The following PCNX2 variants were observed in gnomAD, a reference collection of about 807,000 sequenced individuals.
PCNX2 encodes pecanex 2.
A neutral mutation model predicts 223.8 loss-of-function variants in PCNX2; 168 were observed. The ratio of observed to expected loss-of-function variants is 0.75; its 90% CI spans 0.66 to 0.85. PCNX2 has a LOEUF of 0.85. Among genes scored for constraint, PCNX2 ranks in the 40% least tolerant of loss-of-function variants. The pLI is 0.00. For missense variants in PCNX2, 2,507 were observed against 2,675.5 expected (o/e 0.94, Z 1.39); for synonymous variants, 1,006 against 1,052.6 (o/e 0.96, Z 0.86).
At chr1:233,009,042 C>T (rs1446536250) in intron 28 of PCNX2, among the ~76,000 whole-genome samples, 1 of 152,100 alleles carries the variant, frequency 6.6e-6, no homozygotes, top group Admixed American at 6.5e-5. Context: ...ACAGTGTGGC[C>T]AGTAGGAGCA....
chr1:233,247,884 A>AG (rs1659219062), intron 8 of PCNX2, among the ~76,000 whole-genome samples: 1 of 148,648 alleles, frequency 6.7e-6, no homozygotes, highest in South Asian at 2.2e-4. Context: ...TCTCAAAAAA[A>AG]AAAAAAAAAA....
chr1:233,316,003 T>G, the PCNX2 span, among the ~76,000 whole-genome samples: 3 of 152,228 alleles, frequency 2.0e-5, no homozygotes, highest in Non-Finnish European at 4.4e-5. Context: ...TCCAAGGTCA[T>G]GAGCTTGATA....
intron 15 of PCNX2, among the ~76,000 whole-genome samples, chr1:233,193,708 T>C (rs1393647833): frequency 6.6e-6 from 1 of 152,194 alleles, no homozygotes; most frequent in African/African-American, 2.4e-5. Flanking sequence ...ACATCATTCA[T>C]GTGCAGATGG....
chr1:233,207,822 G>A (rs928991767), intron 13 of PCNX2, among the ~76,000 whole-genome samples: 1 of 152,108 alleles, frequency 6.6e-6, no homozygotes, highest in East Asian at 1.9e-4. Context: ...TCAAGCAAAG[G>A]GATTGGTGGA....
At chr1:233,076,206 C>T (rs1460614937) in intron 23 of PCNX2, among the ~76,000 whole-genome samples, 1 of 152,076 alleles carries the variant, frequency 6.6e-6, no homozygotes, top group Non-Finnish European at 1.5e-5. Context: ...AGGTCCAATG[C>T]CATTTATTTG....
chr1:233,235,954 A>AT (rs1405912793), intron 9 of PCNX2, among the ~76,000 whole-genome samples: 4 of 97,088 alleles, frequency 4.1e-5, no homozygotes, highest in African/African-American at 4.2e-5. Context: ...AATCATAAAA[A>AT]AAAATATATA....
intron 25 of PCNX2, chr1:233,047,249 G>T: frequency 2.0e-6 from 1 of 503,912 alleles, no homozygotes; most frequent in Non-Finnish European, 2.6e-6. Flanking sequence ...TTCTGTGGTG[G>T]CTGGTTATGC....
In PCNX2 at chr1:232,986,502, A is replaced by C; in HGVS notation, c.5830T>G (p.Ser1944Ala). 6.3e-7 allele frequency: 1 copy of C among 1,576,878 alleles called. No individual in the cohort carries two copies. The highest frequency in any genetic ancestry group is 1.2e-5 in the South Asian group (1 of 85,874). ...KGRSQSVQAH[S>A]ALSQRPPMLS... ...ATGGGCGGCCTTTGGCTTAGCGCTG[A>C]GTGTGCCTGCACGGACTGGCTCCTG... The change falls in exon 33 of 34, where the codon TCA becomes GCA. Residue 1944 changes from serine to alanine, a missense_variant. Ser to Ala is a moderately conservative substitution (Grantham distance 99). This residue lies in a region of PCNX2 where 1,372 missense variants were observed against 1,509.4 expected (regional missense o/e 0.91). Coordinates refer to ENST00000258229, the MANE Select transcript of PCNX2 (RefSeq NM_014801.4).
intron 13 of PCNX2, among the ~76,000 whole-genome samples, chr1:233,205,134 T>A (rs550946348): frequency 1.3e-5 from 2 of 152,306 alleles, no homozygotes; most frequent in South Asian, 4.1e-4. Flanking sequence ...ATTCCAAAGT[T>A]GACTTTTTTA....
Position 233,250,814 on chromosome 1 carries a change from T to C in PCNX2, c.2147A>G (p.Tyr716Cys), listed in dbSNP as rs375059166. The C allele has an allele frequency of 6.3e-7, 1 of 1,592,812 alleles. No individual in the cohort carries two copies. Among genetic ancestry groups the C allele is most frequent in the Non-Finnish European group, 8.6e-7 (1 of 1,168,526 alleles). The part of the protein sequence containing the change: ...IDEHGEIRSC[Y>C]LKSGNQKEGP... ...TTCTTTCTGATTTCCAGATTTTAAA[T>C]AACAGGATCTAATTTCCCCTGTAAA... The change falls in exon 8 of 34, where the codon TAT becomes TGT. Residue 716 changes from tyrosine to cysteine, a missense_variant. Around this residue, in one of 3 missense-constraint regions of PCNX2, gnomAD observed 1,031 missense variants for 1,021.7 expected, o/e 1.01. Transcript: ENST00000258229.
At chr1:233,033,424 C>T (rs1558177793) in intron 25 of PCNX2, among the ~76,000 whole-genome samples, 1 of 152,176 alleles carries the variant, frequency 6.6e-6, no homozygotes, top group Non-Finnish European at 1.5e-5. Context: ...AGATTTCACT[C>T]CGGGCTTTCC....
intron 32 of PCNX2, among the ~76,000 whole-genome samples, chr1:232,996,268 CCT>C (rs1256822648): frequency 6.6e-6 from 1 of 152,206 alleles, no homozygotes; most frequent in East Asian, 1.9e-4. Context: ...GCCACACCCC[CCT>C]GACTCTGGAC....
intron 21 of PCNX2, among the ~76,000 whole-genome samples, chr1:233,123,319 C>T (rs551326852): frequency 6.6e-6 from 1 of 152,216 alleles, no homozygotes; most frequent in African/African-American, 2.4e-5. Context: ...CGGTGGCTCA[C>T]ACCTGTAATC....
chr1:233,247,498 G>GT (rs1003530250), intron 8 of PCNX2, among the ~76,000 whole-genome samples: 5 of 152,080 alleles, frequency 3.3e-5, no homozygotes, highest in Non-Finnish European at 7.4e-5. Context: ...GTTTTGTTTT[G>GT]TTTTTTGTAG....
chr1:233,196,648 C>A (rs1680752370), intron 15 of PCNX2, among the ~76,000 whole-genome samples: 1 of 151,984 alleles, frequency 6.6e-6, no homozygotes, highest in Non-Finnish European at 1.5e-5. Context: ...AAATTAAAAC[C>A]ACAATCAGAT....
intron 21 of PCNX2, chr1:233,125,956 T>C (rs945617017): frequency 7.9e-5 from 12 of 152,314 alleles, no homozygotes; most frequent in Non-Finnish European, 1.6e-4. Context: ...ATGTCTGTAA[T>C]CCCAGCACTT....
intron 17 of PCNX2, among the ~76,000 whole-genome samples, chr1:233,163,707 C>T (rs1007983336): frequency 6.6e-6 from 1 of 151,990 alleles, no homozygotes; most frequent in Admixed American, 6.5e-5. Context: ...CCTTTCCTCA[C>T]TATAGCCTTG....
At chr1:233,044,940 A>C (rs141413102) in intron 25 of PCNX2, among the ~76,000 whole-genome samples, 37 of 152,320 alleles carry the variant, frequency 2.4e-4, no homozygotes, top group African/African-American at 8.7e-4. Context: ...AAGTGCTAGG[A>C]TTACAGGCAT....
At chr1:233,004,814 G>A (rs1342749501) in intron 28 of PCNX2, among the ~76,000 whole-genome samples, 6 of 152,344 alleles carry the variant, frequency 3.9e-5, no homozygotes, top group Non-Finnish European at 8.8e-5. Flanking sequence ...AGAGGCCGCT[G>A]AGGCTTCAAG....
Sources: gnomAD v4.1 joint callset for allele counts (sites outside exome capture counted in the v4.1 genomes callset) on GRCh38, gnomAD v4.1.1 for gene constraint, gnomAD v4.1.1 regional missense constraint, MANE v1.5 for transcripts, NCBI Gene and HGNC (gene_info 2026-07-23, HGNC 2026-07-21) for gene names.